RREB1: variants seen among roughly 807,000 people sequenced by gnomAD.
RREB1 encodes the protein ras responsive element binding protein 1, also known as ras-responsive element-binding protein 1.
Under a neutral mutation model 117.8 loss-of-function variants are expected in RREB1, and 27 were observed. The observed-to-expected ratio is 0.23, with a 90% CI of 0.17 to 0.32. The LOEUF is 0.32. RREB1 is among the 10% of genes least tolerant of loss of function. The pLI is 1.00. For synonymous variants in RREB1, 1,298 were observed against 1,026.7 expected (o/e 1.26, Z -5.05); for missense variants, 2,577 against 2,378.2 (o/e 1.08, Z -1.74).
intron 1 of RREB1, among the ~76,000 whole-genome samples, chr6:7,126,836 A>G (rs1761956589): frequency 2.6e-5 from 4 of 152,158 alleles, no homozygotes; most frequent in Middle Eastern, 3.2e-3. Flanking sequence ...CAGCCTCTGG[A>G]AATGCAAGGA....
At chr6:7,175,046 A>G (rs1694592486) in intron 1 of RREB1, among the ~76,000 whole-genome samples, 1 of 152,202 alleles carries the variant, frequency 6.6e-6, no homozygotes, top group African/African-American at 2.4e-5. Context: ...CCAAAGGGCT[A>G]TTCCTCTTCA....
chr6:7,228,836 G>A (rs957921093), intron 9 of RREB1, among the ~76,000 whole-genome samples, 161 bp from the exon 10 acceptor site: 1 of 151,794 alleles, frequency 6.6e-6, no homozygotes, highest in Non-Finnish European at 1.5e-5. Context: ...GTAGAGATAC[G>A]GGATCTTGCT....
chr6:7,140,261 AAG>A (rs1581437624), intron 1 of RREB1, among the ~76,000 whole-genome samples: 4 of 152,344 alleles, frequency 2.6e-5, no homozygotes, highest in Middle Eastern at 3.4e-3. Flanking sequence ...CAATTAAAAA[AAG>A]TTTTATTCAG....
intron 1 of RREB1, among the ~76,000 whole-genome samples, chr6:7,144,696 A>G (rs975633103): frequency 6.7e-6 from 1 of 150,118 alleles, no homozygotes; most frequent in African/African-American, 2.5e-5. Context: ...ACTGTGCTTT[A>G]CATATTCAAC....
intron 1 of RREB1, among the ~76,000 whole-genome samples, chr6:7,170,842 G>C (rs577613176): frequency 2.2e-4 from 34 of 152,330 alleles, no homozygotes; most frequent in Admixed American, 5.9e-4. Flanking sequence ...AAGGTTTTCA[G>C]TGAGATCCTG....
At chr6:7,168,586 T>C (rs539499277) in intron 1 of RREB1, among the ~76,000 whole-genome samples, 1 of 152,248 alleles carries the variant, frequency 6.6e-6, no homozygotes, top group South Asian at 2.1e-4. Flanking sequence ...AAAGCTCTGG[T>C]TTAAAGAATC....
intron 1 of RREB1, among the ~76,000 whole-genome samples, chr6:7,142,347 C>T (rs2113391110): frequency 6.6e-6 from 1 of 152,310 alleles, no homozygotes; most frequent in Admixed American, 6.5e-5. Context: ...CCCAGCTGCG[C>T]TGCCCTCGGC....
At position 7,231,899 on chromosome 6, in the gene RREB1, C is replaced by G. The variant is rs755182964; in HGVS notation, c.3800C>G (p.Thr1267Arg). Residue 1267 changes from threonine to arginine, a missense_variant, in exon 10 of 13, where the codon ACA becomes AGA. By Grantham distance (71) the Thr-to-Arg change is moderately conservative (BLOSUM62 -1). Coordinates refer to ENST00000379938, the MANE Select transcript of RREB1 (RefSeq NM_001003699.4). ...AGCTCCCTACAGAGGCACATGCTCA[C>G]ACACACTGGTAAGAGGGCCACCGGG... ...WASSLQRHML[T>R]HTGQKPFPCQ... 1.3e-6 allele frequency: 2 copies of G among 1,598,454 alleles called. No individual in the cohort carries two copies. The highest frequency in any genetic ancestry group is 1.7e-6 in the Non-Finnish European group (2 of 1,170,008).
intron 5 of RREB1, among the ~76,000 whole-genome samples, chr6:7,188,631 A>G (rs1765234366): frequency 6.6e-6 from 1 of 152,236 alleles, no homozygotes; most frequent in African/African-American, 2.4e-5. Context: ...AAATCATGAC[A>G]TAGTACTGAA....
intron 1 of RREB1, among the ~76,000 whole-genome samples, chr6:7,152,167 C>T (rs1763153984): frequency 6.6e-6 from 1 of 152,072 alleles, no homozygotes; most frequent in African/African-American, 2.4e-5. Flanking sequence ...TGTATAAGTC[C>T]ACTTGGTATC....
At chr6:7,188,146 T>G (rs1226226573) in intron 5 of RREB1, among the ~76,000 whole-genome samples, 1 of 151,954 alleles carries the variant, frequency 6.6e-6, no homozygotes, top group Non-Finnish European at 1.5e-5. Flanking sequence ...GCAGCCTGGG[T>G]GACAGACCGG....
At chr6:7,158,860 A>G (rs1763511715) in intron 1 of RREB1, among the ~76,000 whole-genome samples, 1 of 151,704 alleles carries the variant, frequency 6.6e-6, no homozygotes. Flanking sequence ...TATTTTTTTC[A>G]GACTCTTTTT....
chr6:7,113,836 T>G (rs1178204448), intron 1 of RREB1, among the ~76,000 whole-genome samples: 1 of 152,256 alleles, frequency 6.6e-6, no homozygotes, highest in African/African-American at 2.4e-5. Context: ...TTTCTGTTGA[T>G]GAACTGTGAT....
rs966045127 is a variant in RREB1 at position 7,251,226 on chromosome 6, A to G, written c.*2258A>G. On this transcript the variant is annotated 3_prime_UTR_variant, in exon 13 of 13. Transcript: ENST00000379938. The stretch of plus-strand genomic sequence containing the variant: ...GCCTTGATCTGTACCCTCGTAGTCA[A>G]TAAGGTCTTGCCACATTTTATTAGT... 1 of 152,132 alleles carries G rather than the reference A, an allele frequency of 6.6e-6. No homozygotes were observed. The highest frequency in any genetic ancestry group is 2.4e-5 in the African/African-American group (1 of 41,422). 9.4% of individuals were successfully genotyped at this position (152,132 alleles called of 1,614,324 possible). A position where few individuals can be genotyped will look rare whatever the true frequency, so the allele number is the denominator to read the frequency against.
rs1198142710 is a variant in RREB1 at position 7,248,971 on chromosome 6, G to T, written c.*3G>T. ...CCCAGCTCGTGGGGATGGAGTGACA[G>T]CCTCAGTCCCCCTCAGCACAGACAA... On this transcript the variant is annotated 3_prime_UTR_variant, in exon 13 of 13. Coordinates refer to ENST00000379938, the MANE Select transcript of RREB1 (RefSeq NM_001003699.4). 2.7e-6 allele frequency: 4 copies of T among 1,470,520 alleles called. No individual in the cohort carries two copies. The East Asian group carries it at 9.9e-5, about 36-fold the overall frequency. The allele number at this position is 1,470,520 out of a possible 1,614,324, so 91.1% of individuals were successfully genotyped here.
chr6:7,165,799 A>G (rs1763901652), intron 1 of RREB1, among the ~76,000 whole-genome samples: 1 of 152,014 alleles, frequency 6.6e-6, no homozygotes, highest in Non-Finnish European at 1.5e-5. Context: ...AAGAGTTTGA[A>G]GGAAGAGACT....
intron 1 of RREB1, among the ~76,000 whole-genome samples, chr6:7,176,133 T>G (rs1346682662): frequency 6.6e-6 from 1 of 152,190 alleles, no homozygotes; most frequent in Non-Finnish European, 1.5e-5. Flanking sequence ...TCCAGGCTGG[T>G]CTCGAACTCC....
Position 7,181,163 on chromosome 6 carries a change from A to G in RREB1, c.-126A>G, listed in dbSNP as rs1429340510. ...ACCAAGAGAAGAAGACAAGAGGTCA[A>G]CACAGACTCATTTTCTACTCCGTGT... On this transcript the variant is annotated 5_prime_UTR_variant, in exon 3 of 13. Transcript: ENST00000379938. 5.0e-6 allele frequency: 2 copies of G among 398,558 alleles called. No homozygotes were observed. The highest frequency in any genetic ancestry group is 8.8e-6 in the Non-Finnish European group (2 of 226,108). The allele number at this position is 398,558 out of a possible 1,614,324, so 24.7% of individuals were successfully genotyped here. A position where few individuals can be genotyped will look rare whatever the true frequency, so the allele number is the denominator to read the frequency against.
chr6:7,124,135 G>A (rs1227303718), intron 1 of RREB1, among the ~76,000 whole-genome samples: 1 of 152,172 alleles, frequency 6.6e-6, no homozygotes, highest in Non-Finnish European at 1.5e-5. Flanking sequence ...TTTTGTCGTT[G>A]ATTTTATTTT....
Sources: gnomAD v4.1 joint callset for allele counts (sites outside exome capture counted in the v4.1 genomes callset) on GRCh38, gnomAD v4.1.1 for gene constraint, MANE v1.5 for transcripts, NCBI Gene and HGNC (gene_info 2026-07-23, HGNC 2026-07-21) for gene names.